WDFY3: variants seen among roughly 807,000 people sequenced by gnomAD.
WDFY3 encodes WD repeat and FYVE domain containing 3.
WDFY3 carries 66 observed loss-of-function variants against 409.6 expected under a neutral mutation model. That is an observed-to-expected ratio of 0.16 (90% CI 0.13 to 0.20). The LOEUF is 0.20. Ranked by LOEUF, WDFY3 falls within the 10% of genes least tolerant of loss-of-function variation. The pLI is 1.00. For missense variants in WDFY3, 3,031 were observed against 4,298.1 expected, an observed-to-expected ratio of 0.71 and a Z score of 8.24; for synonymous variants, 1,521 against 1,537.1, an observed-to-expected ratio of 0.99 and a Z score of 0.25.
intron 13 of WDFY3, among the ~76,000 whole-genome samples, chr4:84,814,847 C>T (rs1242122533): frequency 2.0e-5 from 3 of 152,064 alleles, no homozygotes; most frequent in Non-Finnish European, 4.4e-5. Context: ...GTATATATAG[C>T]ATTCCATACT....
At chr4:84,687,062 CTT>C (rs1317201370) in intron 62 of WDFY3, among the ~76,000 whole-genome samples, 12 of 152,166 alleles carry the variant, frequency 7.9e-5, no homozygotes, top group African/African-American at 2.4e-4. Context: ...GAATTTTTCT[CTT>C]GTTTGGGTAC....
At chr4:84,682,121 A>G (rs1727463413) in intron 64 of WDFY3, among the ~76,000 whole-genome samples, 1 of 152,182 alleles carries the variant, frequency 6.6e-6, no homozygotes, top group African/African-American at 2.4e-5. Context: ...TTGGTACTCT[A>G]GGAAGTAAGT....
chr4:84,885,328 ATATGTGTGTGTGTG>A (rs1171161512), intron 3 of WDFY3, among the ~76,000 whole-genome samples: 1 of 80,874 alleles, frequency 1.2e-5, no homozygotes, highest in Non-Finnish European at 2.5e-5. Flanking sequence ...ATACATATAC[ATATGTGTGTGTGTG>A]TGTGTGTGTG....
chr4:84,874,027 C>T (rs937383028), intron 3 of WDFY3, among the ~76,000 whole-genome samples: 12 of 151,696 alleles, frequency 7.9e-5, no homozygotes, highest in Non-Finnish European at 1.5e-4. Flanking sequence ...GCAATTCACC[C>T]GCCTCGGACT....
chr4:84,785,433 G>A (rs182843086), intron 24 of WDFY3, among the ~76,000 whole-genome samples: 4 of 152,074 alleles, frequency 2.6e-5, no homozygotes, highest in East Asian at 1.9e-4. Context: ...TCTCAGTAAC[G>A]TCTCCTTGGA....
chr4:84,874,343 G>A (rs544705629), intron 3 of WDFY3, among the ~76,000 whole-genome samples: 1 of 152,028 alleles, frequency 6.6e-6, no homozygotes, highest in Non-Finnish European at 1.5e-5. Flanking sequence ...AGCCCAGGAG[G>A]CGGAGGTTGC....
In WDFY3 at chr4:84,750,188, T is replaced by C. The variant is rs553880744; in HGVS notation, c.5973+1295A>G. On this transcript the variant is annotated intron_variant, in intron 36 of 67. Coordinates refer to ENST00000295888, the MANE Select transcript of WDFY3 (RefSeq NM_014991.6). ...ATTTTTACCCTATACAGTAAGATAC[T>C]GGTCATCTCTCTTAGAGCTTTTTAA... Among the ~76,000 whole-genome samples, 552 of 152,326 alleles carry C rather than the reference T, an allele frequency of 3.6e-3. 2 individuals are homozygous for C. Among genetic ancestry groups the C allele is most frequent in the Non-Finnish European group, 6.1e-3 (414 of 68,036 alleles).
intron 5 of WDFY3, among the ~76,000 whole-genome samples, chr4:84,846,680 G>T (rs543041187): frequency 2.7e-3 from 405 of 150,572 alleles, no homozygotes; most frequent in Admixed American, 9.0e-3. Context: ...TGTGAAAATG[G>T]ATGAATACAT....
chr4:84,877,567 G>A (rs908786056), intron 3 of WDFY3, among the ~76,000 whole-genome samples: 20 of 152,142 alleles, frequency 1.3e-4, no homozygotes, highest in Admixed American at 1.3e-3. Flanking sequence ...CCAAAGAGTT[G>A]GAATTAAAGG....
At chr4:84,681,984 C>T (rs1319464447) in intron 64 of WDFY3, among the ~76,000 whole-genome samples, 1 of 152,198 alleles carries the variant, frequency 6.6e-6, no homozygotes, top group Non-Finnish European at 1.5e-5. Flanking sequence ...ATCTGTTGTC[C>T]ACACTGAGCC....
chr4:84,825,357 ATTT>A (rs749043186), intron 10 of WDFY3, among the ~76,000 whole-genome samples: 11 of 125,324 alleles, frequency 8.8e-5, no homozygotes, highest in Non-Finnish European at 8.7e-5. Flanking sequence ...AGAAGTCTCT[ATTT>A]TTTTTTTTTT....
intron 67 of WDFY3, among the ~76,000 whole-genome samples, chr4:84,674,726 G>C (rs1337401489): frequency 6.6e-6 from 1 of 151,598 alleles, no homozygotes; most frequent in Non-Finnish European, 1.5e-5. Flanking sequence ...AAATTAGCCA[G>C]GCGTGGTGGT....
intron 4 of WDFY3, among the ~76,000 whole-genome samples, chr4:84,855,363 C>T (rs1443378764): frequency 6.6e-6 from 1 of 152,108 alleles, no homozygotes; most frequent in Non-Finnish European, 1.5e-5. Context: ...GCATAGTGTT[C>T]ATCTTTAGAG....
chr4:84,793,683 G>C (rs954686261), intron 21 of WDFY3, among the ~76,000 whole-genome samples: 9 of 152,194 alleles, frequency 5.9e-5, no homozygotes, highest in African/African-American at 1.9e-4. Flanking sequence ...AGGACTACAT[G>C]CTACTAAAGG....
At chr4:84,892,583 C>T (rs945408052) in intron 3 of WDFY3, among the ~76,000 whole-genome samples, 2 of 152,088 alleles carry the variant, frequency 1.3e-5, no homozygotes, top group African/African-American at 4.8e-5. Flanking sequence ...GTCTCTTAAG[C>T]CTCTCATATA....
chr4:84,863,486 C>G (rs1020137240), intron 3 of WDFY3, among the ~76,000 whole-genome samples: 1 of 152,080 alleles, frequency 6.6e-6, no homozygotes, highest in Non-Finnish European at 1.5e-5. Context: ...ATACTGAGCA[C>G]CTTTTCATAT....
intron 15 of WDFY3, among the ~76,000 whole-genome samples, chr4:84,805,510 G>T (rs1358557113): frequency 1.3e-5 from 2 of 152,060 alleles, no homozygotes; most frequent in African/African-American, 4.8e-5. Context: ...ATCACCACAG[G>T]TATCACCTTT....
chr4:84,870,921 C>T (rs1197759541), intron 3 of WDFY3, among the ~76,000 whole-genome samples: 1 of 151,546 alleles, frequency 6.6e-6, no homozygotes, highest in Non-Finnish European at 1.5e-5. Flanking sequence ...ATCAAAAGCA[C>T]TCTAACAGAT....
chr4:84,751,750 C>A, intron 35 of WDFY3, 34 bp from the exon 36 acceptor site: 1 of 1,605,238 alleles, frequency 6.2e-7, no homozygotes, highest in Non-Finnish European at 8.5e-7. Context: ...ACGGTAATCA[C>A]ATTAGACTCT....
Sources: gnomAD v4.1 joint callset for allele counts (sites outside exome capture counted in the v4.1 genomes callset) on GRCh38, gnomAD v4.1.1 for gene constraint, MANE v1.5 for transcripts, NCBI Gene and HGNC (gene_info 2026-07-23, HGNC 2026-07-21) for gene names.